SLC10A7: variants seen among roughly 807,000 people sequenced by gnomAD.
SLC10A7 encodes sodium/bile acid cotransporter 7.
Under a neutral mutation model 43.2 loss-of-function variants are expected in SLC10A7, and 29 were observed. The observed-to-expected ratio is 0.67, with a 90% CI of 0.50 to 0.92. SLC10A7 has a LOEUF of 0.92. SLC10A7 is among the 40% of genes least tolerant of loss of function. SLC10A7 has a pLI of 0.00. For missense variants in SLC10A7, 295 were observed against 403.2 expected (o/e 0.73, Z 2.30); for synonymous variants, 152 against 144.8 (o/e 1.05, Z -0.35).
intron 7 of SLC10A7, among the ~76,000 whole-genome samples, chr4:146,300,144 T>C (rs1731065709): frequency 6.6e-6 from 1 of 152,010 alleles, no homozygotes; most frequent in African/African-American, 2.4e-5. Flanking sequence ...GTGAGGATGG[T>C]GACTGAAAGG....
intron 10 of SLC10A7, among the ~76,000 whole-genome samples, chr4:146,265,887 G>T (rs913060860): frequency 6.6e-6 from 1 of 152,218 alleles, no homozygotes; most frequent in Non-Finnish European, 1.5e-5. Context: ...AATGAGTACT[G>T]AAGTATGGAG....
rs1727880264 is a variant in SLC10A7 at position 146,256,257 on chromosome 4, A to G, written c.*234T>C. 1 of 547,528 alleles carries G rather than the reference A, an allele frequency of 1.8e-6. No homozygotes were observed. Among genetic ancestry groups the G allele is most frequent in the African/African-American group, 1.9e-5 (1 of 52,374 alleles). The allele number at this position is 547,528 out of a possible 1,614,324, so 33.9% of individuals were successfully genotyped here. On this transcript the variant is annotated 3_prime_UTR_variant, in exon 12 of 12. Coordinates refer to ENST00000335472, the MANE Select transcript of SLC10A7 (RefSeq NM_001029998.6). ...TACCATGACTGATTCCTGCATTAGG[A>G]AAGCAAAATTAACCCCCAAATATTG...
chr4:146,301,886 T>G (rs562998352), intron 7 of SLC10A7, among the ~76,000 whole-genome samples: 2 of 150,996 alleles, frequency 1.3e-5, no homozygotes, highest in East Asian at 4.0e-4. Flanking sequence ...CTGTGGTATC[T>G]AGAACACTTA....
rs560516846 is a variant in SLC10A7 at position 146,294,536 on chromosome 4, G to A, written c.556-441C>T. Among the ~76,000 whole-genome samples, 7 of 152,226 alleles carry A rather than the reference G, an allele frequency of 4.6e-5. No individual in the cohort carries two copies. In the East Asian group the frequency reaches 5.8e-4, roughly 13 times the overall value. On this transcript the variant is annotated intron_variant, in intron 7 of 11. Transcript: ENST00000335472. Reference sequence around the variant, plus strand: ...AAGAATTTCAAGACAGTAGATAATCGAAAGTGATCCATGGAACATATTAAT... The same window carrying A: ...AAGAATTTCAAGACAGTAGATAATCAAAAGTGATCCATGGAACATATTAAT...
intron 5 of SLC10A7, among the ~76,000 whole-genome samples, chr4:146,356,438 T>C (rs534094721): frequency 6.6e-6 from 1 of 152,308 alleles, no homozygotes; most frequent in Non-Finnish European, 1.5e-5. Flanking sequence ...TTTGACAGTT[T>C]CCTTCCTGAA....
intron 5 of SLC10A7, among the ~76,000 whole-genome samples, chr4:146,328,752 G>A (rs1733332380): frequency 6.6e-6 from 1 of 152,100 alleles, no homozygotes; most frequent in African/African-American, 2.4e-5. Context: ...CTACAATACT[G>A]TGCCCATCCA....
At chr4:146,335,599 C>T (rs1458078618) in intron 5 of SLC10A7, among the ~76,000 whole-genome samples, 1 of 151,942 alleles carries the variant, frequency 6.6e-6, no homozygotes, top group African/African-American at 2.4e-5. Context: ...AGGAACTGTC[C>T]CGCAGACCAA....
chr4:146,483,357 T>C (rs1734646816), intron 4 of SLC10A7, among the ~76,000 whole-genome samples: 1 of 152,122 alleles, frequency 6.6e-6, no homozygotes, highest in African/African-American at 2.4e-5. Flanking sequence ...GGTAAATGGC[T>C]AAAGTTCTTG....
intron 5 of SLC10A7, among the ~76,000 whole-genome samples, chr4:146,433,668 C>A (rs998713835): frequency 1.3e-5 from 2 of 151,824 alleles, no homozygotes; most frequent in African/African-American, 4.8e-5. Context: ...GAGTTCAACA[C>A]CAGCCTGGGC....
At chr4:146,407,885 A>G (rs1410440171) in intron 5 of SLC10A7, among the ~76,000 whole-genome samples, 2 of 152,306 alleles carry the variant, frequency 1.3e-5, no homozygotes, top group East Asian at 3.9e-4. Flanking sequence ...GACTGGGCCT[A>G]GATTAGCAGA....
intron 5 of SLC10A7, among the ~76,000 whole-genome samples, chr4:146,338,986 G>A (rs144992243): frequency 1.3e-5 from 2 of 152,054 alleles, no homozygotes; most frequent in East Asian, 1.9e-4. Context: ...AGGCAGAGAC[G>A]TGGAATATGG....
intron 5 of SLC10A7, among the ~76,000 whole-genome samples, chr4:146,354,276 C>A (rs1198962216): frequency 6.6e-6 from 1 of 151,602 alleles, no homozygotes; most frequent in Admixed American, 6.6e-5. Context: ...CATGAGTGAA[C>A]TCCCATTCAC....
At chr4:146,443,224 TTAA>T (rs563029103) in intron 4 of SLC10A7, among the ~76,000 whole-genome samples, 2,655 of 53,506 alleles carry the variant, frequency 0.05, 68 homozygotes, top group African/African-American at 0.25. Context: ...AAGACAAACA[TTAA>T]TTGCTGTCAG....
At chr4:146,326,099 T>C (rs1056234773) in intron 5 of SLC10A7, 103 bp from the exon 6 acceptor site, 37 of 897,774 alleles carry the variant, frequency 4.1e-5, no homozygotes, top group Non-Finnish European at 6.2e-5. Context: ...ATCTTCTCAC[T>C]GCTGTTTAAT....
chr4:146,356,401 C>A (rs1359213416), intron 5 of SLC10A7, among the ~76,000 whole-genome samples: 1 of 152,138 alleles, frequency 6.6e-6, no homozygotes, highest in Non-Finnish European at 1.5e-5. Context: ...CTGAGAGATC[C>A]TCGTGTAACT....
rs573501072 is a variant in SLC10A7, at chr4:146,517,915, G to A, written c.101-795C>T. On this transcript the variant is annotated intron_variant, in intron 1 of 11. Transcript: ENST00000335472. ...AGTATTCATTCTACAAATACTTATT[G>A]AGCACTTGCTATGTGAATAAGATAA... Among the ~76,000 whole-genome samples the A allele has an allele frequency of 3.3e-5, 5 of 152,142 alleles. No homozygotes were observed. The South Asian group carries it at 1.0e-3, about 32-fold the overall frequency.
In SLC10A7 at chr4:146,377,834, T is replaced by A. The variant is rs76071213; in HGVS notation, c.436-51838A>T. Among the ~76,000 whole-genome samples the A allele has an allele frequency of 7.4e-3, 1,125 of 152,260 alleles. 6 individuals are homozygous for A. The highest frequency in any genetic ancestry group is 0.01 in the Non-Finnish European group (706 of 68,010). ...ACAGTGCCTGGTACAAAGTGTGAAA[T>A]GAACATCTTTTGAATAAAAAAAATA... On this transcript the variant is annotated intron_variant, in intron 5 of 11. Coordinates refer to ENST00000335472, the MANE Select transcript of SLC10A7 (RefSeq NM_001029998.6).
chr4:146,257,596 C>G (rs751782901), intron 11 of SLC10A7, among the ~76,000 whole-genome samples: 1 of 152,192 alleles, frequency 6.6e-6, no homozygotes. Flanking sequence ...GAGAGCAAAG[C>G]CTGCAGTGAA....
chr4:146,432,921 CCAGCTA>C (rs970871640), intron 5 of SLC10A7, among the ~76,000 whole-genome samples: 2 of 151,428 alleles, frequency 1.3e-5, no homozygotes, highest in African/African-American at 4.9e-5. Context: ...GCCTGTAGTC[CCAGCTA>C]CTCGGGAGGC....
Sources: allele counts gnomAD v4.1 joint callset (sites outside exome capture counted in the v4.1 genomes callset), GRCh38; gene constraint gnomAD v4.1.1; transcripts MANE v1.5; gene names NCBI Gene and HGNC (gene_info 2026-07-23, HGNC 2026-07-21).